STK32B: variants seen among roughly 807,000 people sequenced by gnomAD.
STK32B encodes serine/threonine-protein kinase 32B.
A neutral mutation model predicts 52.6 loss-of-function variants in STK32B; 43 were observed. The ratio of observed to expected loss-of-function variants is 0.82; its 90% CI spans 0.64 to 1.05. STK32B has a LOEUF of 1.05. Ranked by LOEUF, STK32B falls within the 50% of genes least tolerant of loss-of-function variation. The pLI is 0.00. For missense variants in STK32B, 621 were observed against 534.6 expected (o/e 1.16, Z -1.59); for synonymous variants, 238 against 204.3 (o/e 1.17, Z -1.41).
chr4:5,261,321 A>G (rs1166536414), intron 3 of STK32B, among the ~76,000 whole-genome samples: 1 of 152,216 alleles, frequency 6.6e-6, no homozygotes, highest in African/African-American at 2.4e-5. Context: ...TGTATATTAG[A>G]AAGACTTGCT....
chr4:5,292,832 G>T (rs1728972327), intron 3 of STK32B, among the ~76,000 whole-genome samples: 1 of 151,794 alleles, frequency 6.6e-6, no homozygotes, highest in African/African-American at 2.4e-5. Context: ...GTCCAGGTTT[G>T]CTACATAGAT....
intron 4 of STK32B, among the ~76,000 whole-genome samples, chr4:5,341,366 G>A (rs1733064187): frequency 6.6e-6 from 1 of 152,194 alleles, no homozygotes; most frequent in Non-Finnish European, 1.5e-5. Context: ...GTAGGGTTAT[G>A]TCCTGTTCAC....
chr4:5,185,300 A>T (rs993488500), intron 3 of STK32B, among the ~76,000 whole-genome samples: 3 of 152,088 alleles, frequency 2.0e-5, no homozygotes, highest in African/African-American at 7.2e-5. Context: ...CATTCTCAGG[A>T]TGAGAACAGA....
intron 1 of STK32B, among the ~76,000 whole-genome samples, chr4:5,078,503 G>T (rs1163039484): frequency 6.6e-6 from 1 of 152,192 alleles, no homozygotes; most frequent in East Asian, 1.9e-4. Flanking sequence ...GTGGGTCTTT[G>T]CCACTAGCCA....
intron 3 of STK32B, among the ~76,000 whole-genome samples, chr4:5,312,956 A>G (rs935617696): frequency 2.0e-5 from 3 of 152,022 alleles, no homozygotes; most frequent in Non-Finnish European, 4.4e-5. Context: ...GCACCTGTGC[A>G]TACTTTTAAA....
intron 3 of STK32B, among the ~76,000 whole-genome samples, chr4:5,186,152 C>T (rs986730938): frequency 3.3e-5 from 5 of 152,178 alleles, no homozygotes; most frequent in East Asian, 3.9e-4. Context: ...AGTATGGCTC[C>T]TGTCCTCTTG....
rs544436125 is a variant in STK32B at position 5,189,858 on chromosome 4, A to C, written c.260+21408A>C. Among the ~76,000 whole-genome samples the C allele has an allele frequency of 2.0e-5, 3 of 152,276 alleles. No homozygotes were observed. In the South Asian group the frequency reaches 6.2e-4, roughly 32 times the overall value. On this transcript the variant is annotated intron_variant, in intron 3 of 11. Coordinates refer to ENST00000282908, the MANE Select transcript of STK32B (RefSeq NM_018401.3). ...GTGTTTGGATTTTGTTCACTCCAGT[A>C]GGCGTGTAGTGGTATTCCGTTGTTT...
At chr4:5,388,101 C>A (rs572902691) in intron 4 of STK32B, among the ~76,000 whole-genome samples, 1 of 152,200 alleles carries the variant, frequency 6.6e-6, no homozygotes. Flanking sequence ...CTCCAGGCTG[C>A]AGTTTCTTCA....
intron 3 of STK32B, among the ~76,000 whole-genome samples, chr4:5,320,194 A>ATGAGCACCT (rs1731395746): frequency 6.6e-6 from 1 of 152,000 alleles, no homozygotes; most frequent in Admixed American, 6.5e-5. Context: ...CTAGAGTACA[A>ATGAGCACCT]TGAGCACCTT....
At chr4:5,215,839 A>G (rs949173404) in intron 3 of STK32B, among the ~76,000 whole-genome samples, 11 of 152,176 alleles carry the variant, frequency 7.2e-5, no homozygotes, top group Non-Finnish European at 1.2e-4. Context: ...CCAGTGTTCA[A>G]GTCAATATCC....
intron 2 of STK32B, among the ~76,000 whole-genome samples, chr4:5,164,579 G>T (rs1267757221): frequency 6.6e-6 from 1 of 152,240 alleles, no homozygotes; most frequent in African/African-American, 2.4e-5. Flanking sequence ...GAGGCTGCAA[G>T]TCCCACATTA....
chr4:5,343,743 T>G (rs1002055538), intron 4 of STK32B, among the ~76,000 whole-genome samples: 1 of 152,168 alleles, frequency 6.6e-6, no homozygotes, highest in South Asian at 2.1e-4. Flanking sequence ...ATTAAAGAGC[T>G]TCTGCACAGC....
chr4:5,346,992 C>A (rs1414528662), intron 4 of STK32B, among the ~76,000 whole-genome samples: 1 of 152,272 alleles, frequency 6.6e-6, no homozygotes, highest in African/African-American at 2.4e-5. Flanking sequence ...CCTGTGAGAA[C>A]CCACGTACTA....
At chr4:5,179,537 TAGAC>T (rs1720195092) in intron 3 of STK32B, among the ~76,000 whole-genome samples, 1 of 152,116 alleles carries the variant, frequency 6.6e-6, no homozygotes, top group South Asian at 2.1e-4. Flanking sequence ...ACATAAATGA[TAGAC>T]TAGATTAACA....
intron 8 of STK32B, among the ~76,000 whole-genome samples, chr4:5,457,674 C>T (rs1716669040): frequency 6.6e-6 from 1 of 151,212 alleles, no homozygotes; most frequent in Admixed American, 6.6e-5. Context: ...TCGAGACCAG[C>T]CTGGCCAGCA....
chr4:5,121,726 A>C (rs1715034948), intron 1 of STK32B, among the ~76,000 whole-genome samples: 1 of 152,122 alleles, frequency 6.6e-6, no homozygotes, highest in Non-Finnish European at 1.5e-5. Flanking sequence ...CTCAGGTCCT[A>C]GTGGGTGGAA....
intron 5 of STK32B, among the ~76,000 whole-genome samples, chr4:5,404,648 C>T (rs936555058): frequency 2.6e-5 from 4 of 151,920 alleles, no homozygotes; most frequent in African/African-American, 9.7e-5. Flanking sequence ...TCTTAATCTA[C>T]CAACCTCCGA....
At chr4:5,449,156 T>G (rs1345125855) in intron 7 of STK32B, among the ~76,000 whole-genome samples, 3 of 152,004 alleles carry the variant, frequency 2.0e-5, no homozygotes, top group African/African-American at 7.2e-5. Context: ...GCCTTGCCAA[T>G]ATGGTGAAAC....
intron 3 of STK32B, among the ~76,000 whole-genome samples, chr4:5,286,237 A>G (rs1728531556): frequency 1.3e-5 from 2 of 152,240 alleles, no homozygotes; most frequent in Admixed American, 6.5e-5. Flanking sequence ...ATTAAAAACC[A>G]TTTTACACCC....
Sources: allele counts gnomAD v4.1 joint callset (sites outside exome capture counted in the v4.1 genomes callset), GRCh38; gene constraint gnomAD v4.1.1; transcripts MANE v1.5; gene names NCBI Gene and HGNC (gene_info 2026-07-23, HGNC 2026-07-21).